WNT7A: variants seen among roughly 807,000 people sequenced by gnomAD.
WNT7A encodes Wnt family member 7A, also known as protein Wnt-7a.
A neutral mutation model predicts 28.2 loss-of-function variants in WNT7A; 16 were observed. The observed-to-expected ratio is 0.57, with a 90% CI of 0.38 to 0.86. The LOEUF is 0.86. Among genes scored for constraint, WNT7A ranks in the 40% least tolerant of loss-of-function variants. WNT7A has a pLI of 0.00. For synonymous variants in WNT7A, 190 were observed against 195.9 expected (o/e 0.97, Z 0.25); for missense variants, 411 against 489.7 (o/e 0.84, Z 1.52).
In WNT7A at chr3:13,875,116, G is replaced by T. The variant is rs1336663865; in HGVS notation, c.129C>A (p.Gly43=). The T allele has an allele frequency of 6.2e-7, 1 of 1,614,196 alleles. No individual in the cohort carries two copies. The highest frequency in any genetic ancestry group is 8.5e-7 in the Non-Finnish European group (1 of 1,180,036). ...GASIICNKIP[G]LAPRQRAICQ... ...AGATCGCCCGCTGTCTGGGAGCCAG[G>T]CCTGGGATCTTGTTACAGATGATGC... The change falls in exon 2 of 4, where the codon GGC becomes GGA. Residue 43 remains glycine (G), a synonymous_variant. Coordinates refer to ENST00000285018, the MANE Select transcript of WNT7A (RefSeq NM_004625.4).
intron 2 of WNT7A, among the ~76,000 whole-genome samples, chr3:13,874,141 A>T (rs1331895646): frequency 1.3e-5 from 2 of 152,150 alleles, no homozygotes; most frequent in Admixed American, 1.3e-4. Flanking sequence ...ATACCCAAAG[A>T]TATCCAAGGC....
chr3:13,821,040 C>A (rs1694101098), intron 3 of WNT7A, among the ~76,000 whole-genome samples: 5 of 152,226 alleles, frequency 3.3e-5, no homozygotes, highest in Admixed American at 3.3e-4. Flanking sequence ...ATCTGTGTCC[C>A]CAAAACAACA....
rs140491601 is a variant in WNT7A, at chr3:13,818,966, G to A, written c.1028C>T (p.Thr343Met). The change falls in exon 4 of 4, where the codon ACG becomes ATG. Residue 343 changes from threonine (T) to methionine (M), a missense_variant. Coordinates refer to ENST00000285018, the MANE Select transcript of WNT7A (RefSeq NM_004625.4). The part of the protein sequence containing the change: ...YVKCNTCSER[T>M]EMYTCK The stretch of plus-strand genomic sequence containing the variant: ...GGCTCACTTGCACGTGTACATCTCC[G>A]TGCGCTCGCTGCACGTGTTGCACTT... 234 of 1,588,138 alleles carry A rather than the reference G, an allele frequency of 1.5e-4. 1 individual carries two copies. The highest frequency in any genetic ancestry group is 9.3e-4 in the Admixed American group (55 of 59,168).
At chr3:13,846,960 C>G (rs1694546304) in intron 3 of WNT7A, among the ~76,000 whole-genome samples, 1 of 152,170 alleles carries the variant, frequency 6.6e-6, no homozygotes, top group Admixed American at 6.5e-5. Flanking sequence ...CTGCATGAAG[C>G]TGGGGTCACA....
intron 3 of WNT7A, among the ~76,000 whole-genome samples, chr3:13,830,769 C>A (rs2124835450): frequency 6.6e-6 from 1 of 152,298 alleles, no homozygotes; most frequent in South Asian, 2.1e-4. Context: ...GACAGAGCTC[C>A]CCAATGTTGC....
chr3:13,879,607 G>T, intron 1 of WNT7A, 139 bp downstream of exon 1: 1 of 913,636 alleles, frequency 1.1e-6, no homozygotes, highest in Non-Finnish European at 1.7e-6. Flanking sequence ...TGCGTCCACC[G>T]CTCCCACACC....
At chr3:13,845,715 A>T (rs981597684) in intron 3 of WNT7A, among the ~76,000 whole-genome samples, 2 of 152,198 alleles carry the variant, frequency 1.3e-5, no homozygotes, top group African/African-American at 4.8e-5. Context: ...AGGCAGGGAC[A>T]GATGCACCCA....
chr3:13,832,109 A>C, intron 3 of WNT7A, among the ~76,000 whole-genome samples: 1 of 146,356 alleles, frequency 6.8e-6, no homozygotes, highest in Admixed American at 6.8e-5. Context: ...TCCTGATGAT[A>C]TTCCTCCTCC....
intron 3 of WNT7A, among the ~76,000 whole-genome samples, chr3:13,836,496 AG>A (rs1307794931): frequency 6.6e-6 from 1 of 152,214 alleles, no homozygotes; most frequent in Admixed American, 6.5e-5. Flanking sequence ...TATTTTAAAA[AG>A]CTTCTCAGGA....
intron 1 of WNT7A, among the ~76,000 whole-genome samples, chr3:13,878,998 G>A (rs1695160938): frequency 6.6e-6 from 1 of 152,142 alleles, no homozygotes. Flanking sequence ...TCGCGCGCCC[G>A]GCCGCCTCTG....
intron 1 of WNT7A, chr3:13,875,859 A>G (rs1332159788): frequency 6.5e-6 from 1 of 154,082 alleles, no homozygotes; most frequent in Non-Finnish European, 1.4e-5. Flanking sequence ...TATCTTCCTC[A>G]ACTATTCACT....
intron 3 of WNT7A, among the ~76,000 whole-genome samples, chr3:13,852,386 G>A (rs73019633): frequency 0.077 from 11,745 of 152,304 alleles, 611 homozygotes; most frequent in Non-Finnish European, 0.12. Context: ...TGCTCCTGTC[G>A]GTTTCCCAGC....
intron 3 of WNT7A, among the ~76,000 whole-genome samples, chr3:13,821,942 A>G (rs1399942130): frequency 6.6e-6 from 1 of 152,238 alleles, no homozygotes; most frequent in Non-Finnish European, 1.5e-5. Flanking sequence ...CAATATCTCA[A>G]TTTATAAAAA....
chr3:13,819,539 G>T, intron 3 of WNT7A, 116 bp from the exon 4 acceptor site: 1 of 1,382,146 alleles, frequency 7.2e-7, no homozygotes, highest in Non-Finnish European at 9.4e-7. Flanking sequence ...TCTGGCTTTA[G>T]TTTTTTCTTT....
chr3:13,848,777 A>C (rs111718050), intron 3 of WNT7A, among the ~76,000 whole-genome samples: 6 of 151,502 alleles, frequency 4.0e-5, no homozygotes, highest in East Asian at 3.9e-4. Flanking sequence ...ACACACACAA[A>C]AAAAAAACCT....
chr3:13,880,032 G>C lies in WNT7A; in HGVS notation c.-216C>G, dbSNP rs1695186906. The C allele has an allele frequency of 5.6e-6, 2 of 359,958 alleles. No homozygotes were observed. The highest frequency in any genetic ancestry group is 4.7e-5 in the Admixed American group (1 of 21,128). 22.3% of individuals were successfully genotyped at this position (359,958 alleles called of 1,614,324 possible). A position where few individuals can be genotyped will look rare whatever the true frequency, so the allele number is the denominator to read the frequency against. The stretch of plus-strand genomic sequence containing the variant: ...GGGAGGGAGGAGCGAGCGCGGCGTG[G>C]GGCGACGCCGGGCTGCGCGCGAGCG... On this transcript the variant is annotated 5_prime_UTR_variant, in exon 1 of 4. Transcript: ENST00000285018.
chr3:13,834,087 A>G (rs1330278721), intron 3 of WNT7A, among the ~76,000 whole-genome samples: 1 of 152,200 alleles, frequency 6.6e-6, no homozygotes, highest in East Asian at 1.9e-4. Context: ...TCCTGTGGTC[A>G]CAGCTCCCAG....
At chr3:13,857,399 G>A (rs942692348) in intron 2 of WNT7A, among the ~76,000 whole-genome samples, 1 of 152,096 alleles carries the variant, frequency 6.6e-6, no homozygotes, top group African/African-American at 2.4e-5. Flanking sequence ...GCAAAGAAAC[G>A]GCAGACAGAC....
intron 3 of WNT7A, among the ~76,000 whole-genome samples, chr3:13,845,061 C>G (rs149114902): frequency 6.9e-4 from 105 of 152,362 alleles, no homozygotes; most frequent in African/African-American, 2.3e-3. Flanking sequence ...TTAGGGGGCT[C>G]TCAGGGCCTC....
Sources: allele counts gnomAD v4.1 joint callset (sites outside exome capture counted in the v4.1 genomes callset), GRCh38; gene constraint gnomAD v4.1.1; transcripts MANE v1.5; gene names NCBI Gene and HGNC (gene_info 2026-07-23, HGNC 2026-07-21).